Variants in RFX3 observed in about 807,000 individuals in gnomAD.
RFX3 encodes regulatory factor X3, also known as transcription factor RFX3.
Under a neutral mutation model 98.6 loss-of-function variants are expected in RFX3, and 14 were observed. The ratio of observed to expected loss-of-function variants is 0.14; its 90% CI spans 0.09 to 0.22. The LOEUF (loss-of-function observed/expected upper bound fraction) is 0.22. Among genes scored for constraint, RFX3 ranks in the 10% least tolerant of loss-of-function variants. RFX3 has a pLI of 1.00. For synonymous variants in RFX3, 383 were observed against 328.4 expected, an observed-to-expected ratio of 1.17 and a Z score of -1.80; for missense variants, 639 against 926.9, an observed-to-expected ratio of 0.69 and a Z score of 4.03.
intron 14 of RFX3, among the ~76,000 whole-genome samples, chr9:3,248,666 T>C (rs1820996262): frequency 6.6e-6 from 1 of 152,160 alleles, no homozygotes; most frequent in Non-Finnish European, 1.5e-5. Context: ...TAATAAGCAA[T>C]GTTCCCAGAT....
chr9:3,437,226 C>G (rs1160526427), intron 1 of RFX3, among the ~76,000 whole-genome samples: 1 of 152,064 alleles, frequency 6.6e-6, no homozygotes, highest in Admixed American at 6.6e-5. Context: ...AGTTGGCACA[C>G]TGCCCTAATA....
At chr9:3,524,996 G>A (rs1045876901) in intron 1 of RFX3, among the ~76,000 whole-genome samples, 1 of 151,884 alleles carries the variant, frequency 6.6e-6, no homozygotes. Flanking sequence ...TGTGGGGGGG[G>A]GGAGAAAGAG....
intron 1 of RFX3, among the ~76,000 whole-genome samples, chr9:3,467,233 T>G (rs926625351): frequency 6.9e-6 from 1 of 145,122 alleles, no homozygotes; most frequent in Non-Finnish European, 1.5e-5. Flanking sequence ...TATATATGTA[T>G]ATACAATATA....
At chr9:3,364,137 G>A (rs1836781820) in intron 2 of RFX3, among the ~76,000 whole-genome samples, 1 of 152,188 alleles carries the variant, frequency 6.6e-6, no homozygotes, top group Admixed American at 6.5e-5. Context: ...GCCTCCCAAA[G>A]TGCTGGGATT....
At chr9:3,505,038 A>G (rs1282549640) in intron 1 of RFX3, among the ~76,000 whole-genome samples, 1 of 90,584 alleles carries the variant, frequency 1.1e-5, no homozygotes, top group African/African-American at 4.5e-5. Flanking sequence ...ATAATATAAT[A>G]TATTTTATAT....
intron 1 of RFX3, among the ~76,000 whole-genome samples, chr9:3,412,407 T>C (rs1842536907): frequency 6.6e-6 from 1 of 152,194 alleles, no homozygotes; most frequent in South Asian, 2.1e-4. Flanking sequence ...GACTCAAAGA[T>C]AATGCTATTT....
chr9:3,241,457 G>A (rs530927614), intron 15 of RFX3, among the ~76,000 whole-genome samples: 18 of 152,262 alleles, frequency 1.2e-4, no homozygotes, highest in African/African-American at 4.3e-4. Context: ...GCCACGCATA[G>A]GAAGCTAATG....
chr9:3,418,371 A>T (rs1843155665), intron 1 of RFX3, among the ~76,000 whole-genome samples: 1 of 152,046 alleles, frequency 6.6e-6, no homozygotes. Context: ...TAAATACTTG[A>T]AGCTTTTTTG....
chr9:3,420,996 A>G, intron 1 of RFX3: 2 of 601,796 alleles, frequency 3.3e-6, no homozygotes, highest in South Asian at 1.5e-4. Flanking sequence ...GGACTCTCAG[A>G]GATAAATATT....
chr9:3,390,453 CTA>C (rs1272131701), intron 2 of RFX3, among the ~76,000 whole-genome samples: 1 of 152,144 alleles, frequency 6.6e-6, no homozygotes, highest in East Asian at 1.9e-4. Flanking sequence ...ATGATACGGA[CTA>C]TGAAATCCAG....
At chr9:3,367,774 T>G (rs924898984) in intron 2 of RFX3, among the ~76,000 whole-genome samples, 1 of 152,226 alleles carries the variant, frequency 6.6e-6, no homozygotes, top group African/African-American at 2.4e-5. Flanking sequence ...ATGTTAAGGC[T>G]TTGGTGAAAT....
chr9:3,394,239 G>A (rs568023101), intron 2 of RFX3, among the ~76,000 whole-genome samples: 3 of 151,978 alleles, frequency 2.0e-5, no homozygotes, highest in Admixed American at 6.6e-5. Flanking sequence ...CGAGGTGGGC[G>A]GATCACGAGG....
chr9:3,412,508 A>AT (rs1360285111), intron 1 of RFX3, among the ~76,000 whole-genome samples: 3 of 152,162 alleles, frequency 2.0e-5, no homozygotes, highest in Admixed American at 6.5e-5. Context: ...TCATTTAGTT[A>AT]TTTTTTTCTT....
At chr9:3,230,578 A>T (rs1818326914) in intron 15 of RFX3, among the ~76,000 whole-genome samples, 1 of 152,210 alleles carries the variant, frequency 6.6e-6, no homozygotes, top group Non-Finnish European at 1.5e-5. Flanking sequence ...ACCCAGAGGG[A>T]TTCTTCATCA....
At chr9:3,279,491 A>G (rs1443485130) in intron 7 of RFX3, among the ~76,000 whole-genome samples, 1 of 151,826 alleles carries the variant, frequency 6.6e-6, no homozygotes, top group Non-Finnish European at 1.5e-5. Flanking sequence ...AGGATTGCAA[A>G]ATTATTACAA....
At chr9:3,264,613 T>C (rs922865547) in intron 12 of RFX3, among the ~76,000 whole-genome samples, 2 of 152,206 alleles carry the variant, frequency 1.3e-5, no homozygotes, top group East Asian at 3.9e-4. Flanking sequence ...ATTAGACACA[T>C]ATTATGATTT....
At chr9:3,354,829 T>C (rs1273015428) in intron 2 of RFX3, among the ~76,000 whole-genome samples, 1 of 151,924 alleles carries the variant, frequency 6.6e-6, no homozygotes, top group Non-Finnish European at 1.5e-5. Context: ...TCTTATCTTT[T>C]ACTTTTCTGT....
intron 2 of RFX3, among the ~76,000 whole-genome samples, chr9:3,377,727 T>C (rs1465637732): frequency 6.6e-6 from 1 of 152,116 alleles, no homozygotes; most frequent in Admixed American, 6.6e-5. Flanking sequence ...AAGGTACTAA[T>C]AACAAAGAAG....
intron 1 of RFX3, among the ~76,000 whole-genome samples, chr9:3,421,316 C>T (rs551431888): frequency 6.6e-6 from 1 of 152,032 alleles, no homozygotes; most frequent in Admixed American, 6.6e-5. Context: ...GAGAAGAAAC[C>T]CCTATTGATT....
Sources: allele counts gnomAD v4.1 joint callset (sites outside exome capture counted in the v4.1 genomes callset), GRCh38; gene constraint gnomAD v4.1.1; transcripts MANE v1.5; gene names NCBI Gene and HGNC (gene_info 2026-07-23, HGNC 2026-07-21).